Variants in TAF4B observed in about 807,000 individuals in gnomAD.
TAF4B encodes transcription initiation factor TFIID subunit 4B.
A neutral mutation model predicts 86.4 loss-of-function variants in TAF4B; 38 were observed. The ratio of observed to expected loss-of-function variants is 0.44; its 90% CI spans 0.34 to 0.58. The LOEUF is 0.58. Among genes scored for constraint, TAF4B ranks in the 20% least tolerant of loss-of-function variants. The probability of loss-of-function intolerance (pLI) is 0.02; values close to 1 mark genes in which losing one functional copy is unlikely to be tolerated. For synonymous variants in TAF4B, 388 were observed against 391.2 expected (o/e 0.99, Z 0.10); for missense variants, 988 against 1,027.6 (o/e 0.96, Z 0.53).
rs1399853611 is a variant in TAF4B, at chr18:26,391,116, C to T, written c.*1104C>T. The T allele has an allele frequency of 1.3e-5, 2 of 151,642 alleles. No individual in the cohort carries two copies. The highest frequency in any genetic ancestry group is 2.9e-5 in the Non-Finnish European group (2 of 67,950). The allele number at this position is 151,642 out of a possible 1,614,324, so 9.4% of individuals were successfully genotyped here. ...GGATTCTGTACTTAAAAGGTACTGT[C>T]AATATCTCACTCTTGGGGATATGAG... On this transcript the variant is annotated 3_prime_UTR_variant, in exon 15 of 15. Coordinates refer to ENST00000269142, the MANE Select transcript of TAF4B (RefSeq NM_005640.3).
chr18:26,370,930 A>G (rs1403989491), intron 14 of TAF4B, among the ~76,000 whole-genome samples: 1 of 152,204 alleles, frequency 6.6e-6, no homozygotes, highest in African/African-American at 2.4e-5. Context: ...TTTGTATCCA[A>G]AGGCTTGGGG....
chr18:26,346,905 GTGTATATATATATATATAGTTTTT>G (rs2057202380), intron 13 of TAF4B, among the ~76,000 whole-genome samples: 2 of 7,812 alleles, frequency 2.6e-4, no homozygotes, highest in Non-Finnish European at 7.7e-4. Flanking sequence ...ATATATGTGT[GTGTATATATATATATATAGTTTTT>G]TGTTGTTTTT....
intron 14 of TAF4B, among the ~76,000 whole-genome samples, chr18:26,362,570 C>T (rs552469055): frequency 3.9e-5 from 6 of 151,970 alleles, no homozygotes; most frequent in South Asian, 4.2e-4. Flanking sequence ...GGGAGAAAAC[C>T]GAATGTGCTG....
At chr18:26,314,373 C>G (rs1436449117) in intron 9 of TAF4B, among the ~76,000 whole-genome samples, 1 of 152,130 alleles carries the variant, frequency 6.6e-6, no homozygotes, top group African/African-American at 2.4e-5. Flanking sequence ...CATCTTAGTG[C>G]TGTGGCCACG....
chr18:26,311,273 A>G (rs2056851420), intron 9 of TAF4B, among the ~76,000 whole-genome samples: 1 of 152,236 alleles, frequency 6.6e-6, no homozygotes, highest in South Asian at 2.1e-4. Flanking sequence ...TAAAACCAGC[A>G]TTTCTAAAGT....
At chr18:26,315,130 C>CTCTCTCTG in intron 9 of TAF4B, 99 bp from the exon 10 acceptor site, 1 of 327,844 alleles carries the variant, frequency 3.1e-6, no homozygotes. Context: ...CTCTCTCTCT[C>CTCTCTCTG]TCTCTCTCTC....
Position 26,344,417 on chromosome 18 carries a change from A to C in TAF4B, c.2316+9186A>C, listed in dbSNP as rs1382478743. On this transcript the variant is annotated intron_variant, in intron 13 of 14. Coordinates refer to ENST00000269142, the MANE Select transcript of TAF4B (RefSeq NM_005640.3). ...GTGGAGATCAGAAGAAAGTGGCAAA[A>C]CATTTTTAAAAGGAACTTTCAACTT... Among the ~76,000 whole-genome samples the C allele has an allele frequency of 5.3e-5, 8 of 152,262 alleles. No homozygotes were observed. In the East Asian group the frequency reaches 1.3e-3, roughly 26 times the overall value.
intron 1 of TAF4B, among the ~76,000 whole-genome samples, chr18:26,231,736 G>T (rs923338575): frequency 1.1e-4 from 17 of 152,092 alleles, no homozygotes; most frequent in African/African-American, 3.9e-4. Context: ...GAATGAAGCC[G>T]TGACCTTGGC....
intron 1 of TAF4B, among the ~76,000 whole-genome samples, chr18:26,244,600 A>T (rs1027976903): frequency 1.3e-5 from 2 of 152,188 alleles, no homozygotes; most frequent in Non-Finnish European, 2.9e-5. Flanking sequence ...TCCCAGTTAG[A>T]TGAACCCAGT....
At chr18:26,279,915 A>G (rs1229403344) in intron 5 of TAF4B, among the ~76,000 whole-genome samples, 1 of 151,966 alleles carries the variant, frequency 6.6e-6, no homozygotes, top group Non-Finnish European at 1.5e-5. Context: ...GTGGTGGCAT[A>G]TGCCTGTAGT....
At chr18:26,298,636 G>A (rs2056693538) in intron 9 of TAF4B, among the ~76,000 whole-genome samples, 1 of 152,016 alleles carries the variant, frequency 6.6e-6, no homozygotes, top group African/African-American at 2.4e-5. Context: ...GAGCTTAAGC[G>A]ACCCATCTGC....
intron 14 of TAF4B, among the ~76,000 whole-genome samples, chr18:26,363,884 T>C (rs2057349743): frequency 6.6e-6 from 1 of 152,178 alleles, no homozygotes; most frequent in South Asian, 2.1e-4. Flanking sequence ...TTAGTTTGAA[T>C]GCAGGTTTTT....
At chr18:26,301,326 G>A (rs1202514782) in intron 9 of TAF4B, among the ~76,000 whole-genome samples, 3 of 146,140 alleles carry the variant, frequency 2.1e-5, no homozygotes, top group Non-Finnish European at 4.5e-5. Flanking sequence ...TTGCTCTGTT[G>A]CCCAGGCTGA....
intron 1 of TAF4B, among the ~76,000 whole-genome samples, chr18:26,232,413 G>C (rs1399552145): frequency 1.3e-5 from 2 of 152,168 alleles, no homozygotes; most frequent in Non-Finnish European, 2.9e-5. Flanking sequence ...TGTGAGTTGA[G>C]CTCATTTGGG....
chr18:26,375,700 A>G (rs1253663821), intron 14 of TAF4B, among the ~76,000 whole-genome samples: 3 of 152,186 alleles, frequency 2.0e-5, no homozygotes, highest in Admixed American at 1.3e-4. Flanking sequence ...CCATTTGTAC[A>G]TTGACTTTCT....
chr18:26,282,306 T>C (rs1045656255), intron 6 of TAF4B, among the ~76,000 whole-genome samples: 3 of 152,220 alleles, frequency 2.0e-5, no homozygotes, highest in African/African-American at 7.2e-5. Context: ...TTAATACTTG[T>C]ATGAGAATAT....
At chr18:26,234,628 A>C (rs2055721117) in intron 1 of TAF4B, among the ~76,000 whole-genome samples, 1 of 152,138 alleles carries the variant, frequency 6.6e-6, no homozygotes, top group Non-Finnish European at 1.5e-5. Context: ...CCACAAATGG[A>C]CTTTCATCGA....
chr18:26,382,879 G>A (rs1322615814), intron 14 of TAF4B, among the ~76,000 whole-genome samples: 1 of 152,154 alleles, frequency 6.6e-6, no homozygotes, highest in African/African-American at 2.4e-5. Flanking sequence ...TACTACTAAA[G>A]TGCATAGGAG....
At chr18:26,309,780 G>GTA (rs1346055714) in intron 9 of TAF4B, among the ~76,000 whole-genome samples, 2 of 152,062 alleles carry the variant, frequency 1.3e-5, no homozygotes, top group Admixed American at 6.5e-5. Flanking sequence ...GGGGATCAAT[G>GTA]AATAGACGTG....
Sources: allele counts gnomAD v4.1 joint callset (sites outside exome capture counted in the v4.1 genomes callset), GRCh38; gene constraint gnomAD v4.1.1; transcripts MANE v1.5; gene names NCBI Gene and HGNC (gene_info 2026-07-23, HGNC 2026-07-21).